Variants in ANO4 observed in about 807,000 individuals in gnomAD.
ANO4 encodes anoctamin 4, also known as anoctamin-4.
A neutral mutation model predicts 141.9 loss-of-function variants in ANO4; 69 were observed. The ratio of observed to expected loss-of-function variants is 0.49; its 90% confidence interval spans 0.40 to 0.59. ANO4 has a LOEUF of 0.59. Ranked by LOEUF, ANO4 falls within the 20% of genes least tolerant of loss-of-function variation. The probability of loss-of-function intolerance (pLI) is 0.00; values close to 1 mark genes in which losing one functional copy is unlikely to be tolerated. For missense variants in ANO4, 894 were observed against 1,162.2 expected, an observed-to-expected ratio of 0.77 and a Z score of 3.36; for synonymous variants, 350 against 394.3, an observed-to-expected ratio of 0.89 and a Z score of 1.33.
chr12:101,086,508 C>T (rs2049506979), intron 16 of ANO4, 152 bp from the exon 17 acceptor site: 10 of 773,878 alleles, frequency 1.3e-5, no homozygotes, highest in Admixed American at 7.4e-5. Flanking sequence ...AAGTATTAAC[C>T]ACAATGAAAA....
At chr12:101,051,389 G>T (rs890589432) in intron 14 of ANO4, among the ~76,000 whole-genome samples, 1 of 152,074 alleles carries the variant, frequency 6.6e-6, no homozygotes, top group Non-Finnish European at 1.5e-5. Flanking sequence ...GCCATTCCAG[G>T]CAAGACATGC....
intron 5 of ANO4, among the ~76,000 whole-genome samples, chr12:100,958,625 A>G (rs922293291): frequency 6.6e-6 from 1 of 152,170 alleles, no homozygotes; most frequent in African/African-American, 2.4e-5. Context: ...AGGTGGAAGG[A>G]TTACTTGAGT....
intron 1 of ANO4, among the ~76,000 whole-genome samples, chr12:100,726,421 C>T (rs1214649616): frequency 6.6e-6 from 1 of 152,156 alleles, no homozygotes; most frequent in African/African-American, 2.4e-5. Flanking sequence ...TCTCCCATTC[C>T]TAGCGCAGGG....
chr12:100,811,351 C>T (rs1018210123), intron 1 of ANO4, among the ~76,000 whole-genome samples: 1 of 152,134 alleles, frequency 6.6e-6, no homozygotes, highest in African/African-American at 2.4e-5. Flanking sequence ...CAGGCTAGTT[C>T]CCTTATCTTT....
chr12:100,942,595 A>G, intron 5 of ANO4, 60 bp downstream of exon 5: 1 of 1,521,314 alleles, frequency 6.6e-7, no homozygotes, highest in Non-Finnish European at 8.9e-7. Context: ...TGAAGAGGCA[A>G]TAAGAAATAA....
chr12:100,921,254 T>C (rs2136102314), intron 2 of ANO4, among the ~76,000 whole-genome samples: 1 of 152,270 alleles, frequency 6.6e-6, no homozygotes, highest in Non-Finnish European at 1.5e-5. Flanking sequence ...AATATTAAGT[T>C]ACCTTCAGGT....
intron 2 of ANO4, among the ~76,000 whole-genome samples, chr12:100,734,680 C>G (rs1283696256): frequency 7.6e-6 from 1 of 132,052 alleles, no homozygotes; most frequent in African/African-American, 2.9e-5. Flanking sequence ...CATTCTAGGT[C>G]TGTTTGACAC....
Position 100,819,550 on chromosome 12 carries a change from G to A in ANO4, c.-141+24523G>A, listed in dbSNP as rs776955929. 3.4e-4 allele frequency among the ~76,000 whole-genome samples: 51 copies of A among 151,764 alleles called. 1 individual carries two copies. The highest frequency in any genetic ancestry group is 2.1e-4 in the South Asian group (1 of 4,810). Reference sequence around the variant, plus strand: ...ATGACTTGAGACCAGTTCAAAACAAGCATCACTGCTAGTATAATTCTAAAT... The same window carrying A: ...ATGACTTGAGACCAGTTCAAAACAAACATCACTGCTAGTATAATTCTAAAT... On this transcript the variant is annotated intron_variant, in intron 1 of 27. Transcript: ENST00000392977.
At chr12:100,935,710 A>T (rs1225373028) in intron 3 of ANO4, among the ~76,000 whole-genome samples, 1 of 152,198 alleles carries the variant, frequency 6.6e-6, no homozygotes. Flanking sequence ...CCAGTACTTC[A>T]GCCCCGGTTC....
At chr12:100,897,345 CAGTG>C (rs1240003720) in intron 1 of ANO4, among the ~76,000 whole-genome samples, 5 of 152,300 alleles carry the variant, frequency 3.3e-5, no homozygotes, top group Non-Finnish European at 5.9e-5. Context: ...CTAGGAAAGA[CAGTG>C]AGGATACAAT....
At chr12:100,764,079 C>T (rs193268908) in intron 3 of ANO4, among the ~76,000 whole-genome samples, 12 of 152,292 alleles carry the variant, frequency 7.9e-5, no homozygotes, top group African/African-American at 2.9e-4. Flanking sequence ...TCCACAAGAT[C>T]TCAAGTAGTG....
chr12:100,977,532 TA>T (rs1592902840), intron 7 of ANO4, among the ~76,000 whole-genome samples: 1 of 151,954 alleles, frequency 6.6e-6, no homozygotes, highest in African/African-American at 2.4e-5. Flanking sequence ...AAAATGTAAA[TA>T]AAAAAAACCT....
chr12:100,913,435 T>G (rs748608983), intron 2 of ANO4, among the ~76,000 whole-genome samples: 23 of 152,234 alleles, frequency 1.5e-4, no homozygotes, highest in Non-Finnish European at 5.9e-5. Context: ...TTTTCATCGT[T>G]TCAGTTACAA....
intron 2 of ANO4, among the ~76,000 whole-genome samples, chr12:100,911,448 A>G (rs2041099186): frequency 6.6e-6 from 1 of 152,186 alleles, no homozygotes; most frequent in African/African-American, 2.4e-5. Flanking sequence ...AAACCATACT[A>G]AAGAAGGGAC....
intron 3 of ANO4, among the ~76,000 whole-genome samples, chr12:100,754,626 A>G (rs2032529795): frequency 6.6e-6 from 1 of 152,216 alleles, no homozygotes; most frequent in South Asian, 2.1e-4. Context: ...TGTTCATAGC[A>G]GCACTAGTCA....
At chr12:100,894,829 G>A (rs1185008217) in intron 1 of ANO4, among the ~76,000 whole-genome samples, 2 of 151,768 alleles carry the variant, frequency 1.3e-5, no homozygotes, top group Non-Finnish European at 2.9e-5. Context: ...AGCCGGGCGT[G>A]GTGGCGGGCG....
chr12:101,064,328 A>C (rs2653449), intron 14 of ANO4, among the ~76,000 whole-genome samples: 1 of 151,994 alleles, frequency 6.6e-6, no homozygotes, highest in Non-Finnish European at 1.5e-5. Context: ...CTAAATTTCC[A>C]CTTGCTGTTA....
intron 5 of ANO4, among the ~76,000 whole-genome samples, chr12:100,965,947 G>A (rs2043634583): frequency 6.6e-6 from 1 of 151,978 alleles, no homozygotes; most frequent in Non-Finnish European, 1.5e-5. Flanking sequence ...CCATCACCTG[G>A]AAGAGTCCCT....
upstream of ANO4, among the ~76,000 whole-genome samples, chr12:100,793,110 G>A (rs2034110555): frequency 1.3e-5 from 2 of 152,158 alleles, no homozygotes; most frequent in South Asian, 2.1e-4. Flanking sequence ...TCAAGAAGAA[G>A]ATTTAAATTT....
Sources: allele counts gnomAD v4.1 joint callset (sites outside exome capture counted in the v4.1 genomes callset), GRCh38; gene constraint gnomAD v4.1.1; transcripts MANE v1.5; gene names NCBI Gene and HGNC (gene_info 2026-07-23, HGNC 2026-07-21).